The following ST18 variants were observed in gnomAD, a reference collection of about 807,000 sequenced individuals.
ST18 encodes ST18 C2H2C-type zinc finger transcription factor.
A neutral mutation model predicts 110.0 loss-of-function variants in ST18; 50 were observed. The observed-to-expected ratio is 0.45, with a 90% CI of 0.36 to 0.58. The LOEUF (loss-of-function observed/expected upper bound fraction) is 0.58. Ranked by LOEUF, ST18 falls within the 20% of genes least tolerant of loss-of-function variation. The pLI, the probability that ST18 is intolerant of heterozygous loss-of-function variation, is 0.00. For synonymous variants in ST18, 461 were observed against 452.4 expected, an observed-to-expected ratio of 1.02 and a Z score of -0.24; for missense variants, 1,306 against 1,280.1, an observed-to-expected ratio of 1.02 and a Z score of -0.31.
intron 13 of ST18, among the ~76,000 whole-genome samples, chr8:52,163,415 A>G (rs1222212706): frequency 6.6e-6 from 1 of 152,224 alleles, no homozygotes; most frequent in Non-Finnish European, 1.5e-5. Context: ...ATCATCATAT[A>G]TACTTTAGTA....
At chr8:52,271,217 T>A (rs1255586806) in intron 2 of ST18, among the ~76,000 whole-genome samples, 1 of 152,198 alleles carries the variant, frequency 6.6e-6, no homozygotes, top group African/African-American at 2.4e-5. Flanking sequence ...CGAAAAAGAT[T>A]TTTAAAAATA....
intron 2 of ST18, among the ~76,000 whole-genome samples, chr8:52,312,034 T>A (rs780571686): frequency 6.6e-6 from 1 of 152,226 alleles, no homozygotes; most frequent in South Asian, 2.1e-4. Context: ...TACCTTTGCA[T>A]TAACCTCTCA....
chr8:52,130,119 A>AAAAG (rs1207799704), intron 22 of ST18, among the ~76,000 whole-genome samples: 8,126 of 105,006 alleles, frequency 0.077, 372 homozygotes, highest in South Asian at 0.14. Flanking sequence ...AGAAAGAAAG[A>AAAAG]AAAGAAAGAA....
intron 25 of ST18, among the ~76,000 whole-genome samples, chr8:52,114,663 G>T (rs963140411): frequency 1.3e-4 from 20 of 152,270 alleles, no homozygotes; most frequent in African/African-American, 4.6e-4. Flanking sequence ...TTCTTGGAGA[G>T]TCAGGGGATT....
At chr8:52,342,195 G>A (rs949659292) in intron 2 of ST18, among the ~76,000 whole-genome samples, 8 of 151,928 alleles carry the variant, frequency 5.3e-5, no homozygotes, top group Admixed American at 2.0e-4. Context: ...AAAACATCAT[G>A]TTTTACACCA....
intron 2 of ST18, among the ~76,000 whole-genome samples, chr8:52,353,901 A>G (rs757428358): frequency 1.3e-5 from 2 of 152,232 alleles, no homozygotes; most frequent in Non-Finnish European, 2.9e-5. Context: ...TAGGTTATGT[A>G]TATTGGCCCA....
At chr8:52,327,372 C>T (rs1232842740) in intron 2 of ST18, among the ~76,000 whole-genome samples, 2 of 152,170 alleles carry the variant, frequency 1.3e-5, no homozygotes, top group Non-Finnish European at 2.9e-5. Flanking sequence ...TTCTGTCCAG[C>T]CATCTCAACT....
At chr8:52,395,002 C>G (rs1840611558) in intron 2 of ST18, among the ~76,000 whole-genome samples, 4 of 152,130 alleles carry the variant, frequency 2.6e-5, no homozygotes, top group African/African-American at 9.7e-5. Context: ...ATTTCCAGAA[C>G]CATATGGCAA....
intron 2 of ST18, among the ~76,000 whole-genome samples, chr8:52,386,360 A>G (rs1309586297): frequency 1.3e-5 from 2 of 152,212 alleles, no homozygotes; most frequent in South Asian, 2.1e-4. Context: ...AATATTTAGC[A>G]CTTTGATTCT....
intron 23 of ST18, 27 bp from the exon 24 acceptor site, chr8:52,118,468 C>T: frequency 7.2e-7 from 1 of 1,392,146 alleles, no homozygotes; most frequent in Non-Finnish European, 9.9e-7. Flanking sequence ...TACCTTAGTT[C>T]AAACTGAAAA....
chr8:52,260,492 T>C (rs943900106), intron 2 of ST18, among the ~76,000 whole-genome samples: 1 of 139,548 alleles, frequency 7.2e-6, no homozygotes, highest in African/African-American at 3.4e-5. Context: ...ACACTTTATA[T>C]GCCTGATGAA....
chr8:52,163,139 T>C (rs1436140122), intron 13 of ST18, among the ~76,000 whole-genome samples: 1 of 152,238 alleles, frequency 6.6e-6, no homozygotes, highest in Non-Finnish European at 1.5e-5. Flanking sequence ...AGACTTTTAA[T>C]TGCTACTTAT....
Position 52,126,096 on chromosome 8 carries a change from T to G in ST18, c.2711A>C (p.Lys904Thr), listed in dbSNP as rs1037534075. Residue 904 changes from lysine (K) to threonine (T), a missense_variant, in exon 23 of 26, where the codon AAG (lysine) becomes ACG (threonine). Transcript: ENST00000689386. ...GATGGTCATGAGTTCTTCAGAAACC[T>G]TGCCCTTTTTGATAACTTGTGCATT... is the stretch of plus-strand genomic sequence containing the variant. The part of the protein sequence containing the change: ...PLNAQVIKKG[K>T]VSEELMTIKL... 2 of 1,614,026 alleles carry G rather than the reference T, an allele frequency of 1.2e-6. No individual in the cohort carries two copies. The highest frequency in any genetic ancestry group is 2.7e-5 in the African/African-American group (2 of 74,918).
chr8:52,326,006 TA>T (rs1806191722), intron 2 of ST18, among the ~76,000 whole-genome samples: 1 of 152,228 alleles, frequency 6.6e-6, no homozygotes, highest in South Asian at 2.1e-4. Flanking sequence ...CATTGTGTCA[TA>T]AAACCTTTGG....
chr8:52,295,462 C>A (rs1245663618), intron 2 of ST18, among the ~76,000 whole-genome samples: 1 of 152,012 alleles, frequency 6.6e-6, no homozygotes, highest in East Asian at 1.9e-4. Flanking sequence ...ATTTTAATGA[C>A]CTTCGAAATT....
chr8:52,322,503 T>A (rs930170943), intron 2 of ST18, among the ~76,000 whole-genome samples: 8 of 152,216 alleles, frequency 5.3e-5, no homozygotes, highest in African/African-American at 1.9e-4. Context: ...AATAACTACT[T>A]GAATTATATA....
At position 52,116,425 on chromosome 8, in the gene ST18, C is replaced by T; in HGVS notation, c.2860-7G>A. The T allele has an allele frequency of 6.2e-7, 1 of 1,608,308 alleles. No individual in the cohort carries two copies. The highest frequency in any genetic ancestry group is 8.5e-7 in the Non-Finnish European group (1 of 1,177,104). ...TGCTCTCCATAGATGTGATCTACAA[C>T]AGAAATAACTTGGGAATGTGAGTAG... On this transcript the variant is annotated splice_region_variant and splice_polypyrimidine_tract_variant and intron_variant, in intron 24 of 25. Transcript: ENST00000689386.
rs897437083 is a variant in ST18 at position 52,113,115 on chromosome 8, C to A, written c.*83G>T. On this transcript the variant is annotated 3_prime_UTR_variant, in exon 26 of 26. Transcript: ENST00000689386. ...TAAATGCAGTACGGCAACCTCCACGCCTTAGCAGTACATGAACCTCTAACA... is the reference window on the plus strand; with the variant it reads ...TAAATGCAGTACGGCAACCTCCACGACTTAGCAGTACATGAACCTCTAACA... The A allele has an allele frequency of 2.1e-5, 33 of 1,547,052 alleles. 1 individual carries two copies. Among genetic ancestry groups the A allele is most frequent in the Non-Finnish European group, 2.8e-5 (32 of 1,142,462 alleles).
At chr8:52,271,604 C>G (rs1233396288) in intron 2 of ST18, among the ~76,000 whole-genome samples, 1 of 152,196 alleles carries the variant, frequency 6.6e-6, no homozygotes, top group East Asian at 1.9e-4. Flanking sequence ...CCTTTAGTTT[C>G]TCTGTTCTCC....
Sources: gnomAD v4.1 joint callset for allele counts (sites outside exome capture counted in the v4.1 genomes callset) on GRCh38, gnomAD v4.1.1 for gene constraint, MANE v1.5 for transcripts, NCBI Gene and HGNC (gene_info 2026-07-23, HGNC 2026-07-21) for gene names.